DLG5: variants seen among roughly 807,000 people sequenced by gnomAD.
DLG5 encodes disks large homolog 5.
In DLG5, 48 loss-of-function variants were observed where a neutral mutation model predicts 189.8. The ratio of observed to expected loss-of-function variants is 0.25; its 90% CI spans 0.20 to 0.32. The LOEUF is 0.32. DLG5 is among the 10% of genes least tolerant of loss of function. The probability of loss-of-function intolerance (pLI) is 1.00; values close to 1 mark genes in which losing one functional copy is unlikely to be tolerated. For synonymous variants in DLG5, 1,016 were observed against 1,054.1 expected (o/e 0.96, Z 0.70); for missense variants, 2,160 against 2,544.7 (o/e 0.85, Z 3.25).
chr10:77,877,697 A>G (rs2154577287), intron 1 of DLG5, among the ~76,000 whole-genome samples: 1 of 152,218 alleles, frequency 6.6e-6, no homozygotes, highest in Middle Eastern at 3.4e-3. Context: ...CCAGACTAAG[A>G]CAGTTCTGCA....
intron 31 of DLG5, chr10:77,792,860 C>T (rs942827653): frequency 5.7e-6 from 2 of 349,276 alleles, no homozygotes; most frequent in Non-Finnish European, 1.1e-5. Context: ...TAATCATTAG[C>T]AGGATTCTGC....
chr10:77,794,775 C>A, intron 30 of DLG5, 74 bp downstream of exon 30: 1 of 1,206,514 alleles, frequency 8.3e-7, no homozygotes. Flanking sequence ...CCCCAACACA[C>A]CCTGCTCCCT....
chr10:77,867,136 C>T (rs899520257), intron 2 of DLG5: 2 of 452,098 alleles, frequency 4.4e-6, no homozygotes, highest in Non-Finnish European at 8.9e-6. Flanking sequence ...TGGTGGGTCA[C>T]GGCCATGACG....
rs572610305 is a variant in DLG5, at chr10:77,846,458, G to A, written c.865-2752C>T. 2.6e-5 allele frequency among the ~76,000 whole-genome samples: 4 copies of A among 152,224 alleles called. No homozygotes were observed. In the East Asian group the frequency reaches 5.8e-4, roughly 22 times the overall value. ...TCACGCCTGTAATCCCAGCACTTTG[G>A]GAGGCCGAGGTGAGCAGATCACAAG... On this transcript the variant is annotated intron_variant, in intron 5 of 31. Transcript: ENST00000372391.
chr10:77,881,709 C>T (rs569303812), intron 1 of DLG5, among the ~76,000 whole-genome samples: 4 of 152,286 alleles, frequency 2.6e-5, no homozygotes, highest in Admixed American at 6.5e-5. Context: ...TGCAAAAGAA[C>T]TGTAAAGGTG....
intron 27 of DLG5, among the ~76,000 whole-genome samples, chr10:77,802,219 C>T (rs1346917634): frequency 6.6e-6 from 1 of 152,210 alleles, no homozygotes; most frequent in East Asian, 1.9e-4. Flanking sequence ...TGAAGCCACA[C>T]AGTCTGTGGT....
upstream of DLG5, chr10:77,929,969 C>T (rs1317049152): frequency 6.6e-6 from 1 of 152,260 alleles, no homozygotes; most frequent in East Asian, 1.9e-4. Context: ...TATCACTTCA[C>T]TCTTCTACTG....
chr10:77,828,620 G>A (rs1156852750), intron 13 of DLG5, among the ~76,000 whole-genome samples: 3 of 152,092 alleles, frequency 2.0e-5, no homozygotes, highest in South Asian at 4.2e-4. Context: ...TCCAGCCTGA[G>A]GGACAGAGAG....
intron 1 of DLG5, chr10:77,912,539 T>A (rs1327327708): frequency 6.6e-6 from 1 of 151,954 alleles, no homozygotes; most frequent in Non-Finnish European, 1.5e-5. Flanking sequence ...CATGCCAGCA[T>A]GCCCACAAGA....
intron 2 of DLG5, among the ~76,000 whole-genome samples, chr10:77,860,047 A>G (rs1015438932): frequency 8.6e-5 from 13 of 152,030 alleles, no homozygotes; most frequent in African/African-American, 3.1e-4. Flanking sequence ...TCAACCTCTA[A>G]CCAAGCCCAG....
intron 5 of DLG5, 132 bp from the exon 6 acceptor site, chr10:77,843,838 T>C (rs1354488904): frequency 8.6e-7 from 1 of 1,166,062 alleles, no homozygotes; most frequent in Non-Finnish European, 1.2e-6. Flanking sequence ...ACCCTAAAGC[T>C]TTTGAGAGTC....
At chr10:77,851,083 G>A (rs903422249) in intron 5 of DLG5, among the ~76,000 whole-genome samples, 1 of 152,222 alleles carries the variant, frequency 6.6e-6, no homozygotes, top group African/African-American at 2.4e-5. Flanking sequence ...TCAGGTGGGG[G>A]AAGTTACCAC....
the DLG5 span, among the ~76,000 whole-genome samples, chr10:77,936,795 C>T: frequency 1.3e-5 from 2 of 152,130 alleles, no homozygotes; most frequent in South Asian, 2.1e-4. Flanking sequence ...AGCAACCCTG[C>T]GAGGCCTATG....
At chr10:77,826,237 G>C (rs1432034511) in intron 13 of DLG5, among the ~76,000 whole-genome samples, 1 of 152,224 alleles carries the variant, frequency 6.6e-6, no homozygotes, top group African/African-American at 2.4e-5. Context: ...AGTAAGGGCA[G>C]AGATGCCCAG....
intron 1 of DLG5, among the ~76,000 whole-genome samples, chr10:77,915,300 C>G (rs371951921): frequency 2.7e-5 from 4 of 150,634 alleles, no homozygotes; most frequent in Non-Finnish European, 4.4e-5. Context: ...GCACTCCAGC[C>G]TGAGCGACAG....
intron 2 of DLG5, chr10:77,868,050 G>A (rs1486410370): frequency 2.2e-6 from 1 of 456,700 alleles, no homozygotes; most frequent in South Asian, 1.5e-5. Flanking sequence ...CGAGGAGAGA[G>A]GCCCGGGACA....
intron 3 of DLG5, among the ~76,000 whole-genome samples, chr10:77,856,386 A>G (rs1308802526): frequency 6.6e-6 from 1 of 152,034 alleles, no homozygotes; most frequent in Admixed American, 6.5e-5. Context: ...GACAGGGAAC[A>G]ATTAATATGT....
intron 24 of DLG5, among the ~76,000 whole-genome samples, chr10:77,808,923 C>T (rs543267796): frequency 2.0e-5 from 3 of 147,786 alleles, no homozygotes; most frequent in African/African-American, 7.5e-5. Context: ...GATGAAACCC[C>T]GTCTCTACAA....
chr10:77,825,363 A>G (rs1390480609), intron 13 of DLG5, among the ~76,000 whole-genome samples: 1 of 86,900 alleles, frequency 1.2e-5, no homozygotes. Context: ...CATGTGTTTA[A>G]CCACACACAA....
Sources: allele counts gnomAD v4.1 joint callset (sites outside exome capture counted in the v4.1 genomes callset), GRCh38; gene constraint gnomAD v4.1.1; transcripts MANE v1.5; gene names NCBI Gene and HGNC (gene_info 2026-07-23, HGNC 2026-07-21).